The following ERI1 variants were observed in gnomAD, a reference collection of about 807,000 sequenced individuals.
ERI1 encodes the protein exoribonuclease 1.
Under a neutral mutation model 39.7 loss-of-function variants are expected in ERI1, and 39 were observed. That is an observed-to-expected ratio of 0.98 (90% confidence interval 0.76 to 1.28). ERI1 has a LOEUF of 1.28. Ranked by LOEUF, ERI1 falls within the 50% of genes most tolerant of loss-of-function variation. The probability of loss-of-function intolerance (pLI) is 0.00; values close to 1 mark genes in which losing one functional copy is unlikely to be tolerated. For missense variants in ERI1, 581 were observed against 416.9 expected, an observed-to-expected ratio of 1.39 and a Z score of -3.43; for synonymous variants, 204 against 149.6, an observed-to-expected ratio of 1.36 and a Z score of -2.65.
intron 3 of ERI1, among the ~76,000 whole-genome samples, chr8:9,085,513 A>G (rs1338492891): frequency 3.3e-5 from 5 of 151,574 alleles, no homozygotes; most frequent in Non-Finnish European, 7.4e-5. Context: ...CGGCCCTACC[A>G]TCTTTTTTTA....
chr8:9,040,469 G>A (rs1797981272), intron 3 of ERI1, among the ~76,000 whole-genome samples: 1 of 152,158 alleles, frequency 6.6e-6, no homozygotes, highest in Non-Finnish European at 1.5e-5. Context: ...TGGTGTCTTT[G>A]TTTTGTAGAA....
intron 3 of ERI1, among the ~76,000 whole-genome samples, chr8:9,094,807 A>G (rs993162976): frequency 1.3e-5 from 2 of 152,172 alleles, no homozygotes; most frequent in Admixed American, 6.5e-5. Flanking sequence ...GTGTTTTGCT[A>G]AATTTAAAGA....
Position 9,008,071 on chromosome 8 carries a change from C to G in ERI1, c.210C>G (p.Ala70=). 1 of 1,610,732 alleles carries G rather than the reference C, an allele frequency of 6.2e-7. No individual in the cohort carries two copies. Among genetic ancestry groups the G allele is most frequent in the Non-Finnish European group, 8.5e-7 (1 of 1,179,252 alleles). The part of the protein sequence containing the change: ...DFSDPVYKEI[A]ITNGCINRMS... ...GTGACCCGGTTTACAAAGAGATTGC[C>G]ATTACGAATGGCTGTATTAATAGAA... Residue 70 remains alanine (A), a synonymous_variant, in exon 2 of 7, where the codon GCC becomes GCG. Coordinates refer to ENST00000250263, the MANE Select transcript of ERI1 (RefSeq NM_153332.4).
intron 3 of ERI1, among the ~76,000 whole-genome samples, chr8:9,038,592 A>G (rs1273061695): frequency 1.4e-5 from 2 of 147,730 alleles, no homozygotes; most frequent in Admixed American, 6.7e-5. Context: ...CCCTGTTTCT[A>G]CAAAAAATTC....
intron 3 of ERI1, among the ~76,000 whole-genome samples, chr8:9,012,923 GTT>G (rs35319524): frequency 0.3 from 45,199 of 151,844 alleles, 7,209 homozygotes; most frequent in African/African-American, 0.37. Flanking sequence ...CTTCAATAAA[GTT>G]TAAGCTGTGT....
At chr8:9,091,523 G>A (rs367576695) in intron 3 of ERI1, 2 of 149,534 alleles carry the variant, frequency 1.3e-5, no homozygotes, top group Non-Finnish European at 1.5e-5. Context: ...AAAAAAAAGA[G>A]TTCTTGCCAT....
chr8:9,004,389 T>C (rs1348713760), intron 1 of ERI1: 1 of 704,216 alleles, frequency 1.4e-6, no homozygotes, highest in Non-Finnish European at 1.9e-6. Context: ...CTTGACACTT[T>C]TACAGCTACT....
intron 3 of ERI1, among the ~76,000 whole-genome samples, chr8:9,066,803 G>A (rs942818531): frequency 6.6e-6 from 1 of 152,140 alleles, no homozygotes; most frequent in Non-Finnish European, 1.5e-5. Flanking sequence ...CAGCTGGCTG[G>A]TTTGTCTCTG....
intron 3 of ERI1, among the ~76,000 whole-genome samples, chr8:9,073,722 A>G (rs531838472): frequency 7.2e-5 from 11 of 152,286 alleles, no homozygotes; most frequent in Admixed American, 2.0e-4. Context: ...TGATATTAGA[A>G]AGCCTCTTAT....
At chr8:9,061,983 G>A (rs1798713956) in intron 3 of ERI1, among the ~76,000 whole-genome samples, 1 of 152,016 alleles carries the variant, frequency 6.6e-6, no homozygotes, top group African/African-American at 2.4e-5. Context: ...GAGAGTATAT[G>A]GTTTTGGCAC....
At chr8:9,092,286 A>G (rs1799731998) in intron 3 of ERI1, among the ~76,000 whole-genome samples, 1 of 152,120 alleles carries the variant, frequency 6.6e-6, no homozygotes, top group Non-Finnish European at 1.5e-5. Flanking sequence ...TGGCATCCCC[A>G]CAGTGTGAAG....
chr8:9,007,830 C>G (rs998702722), intron 1 of ERI1, 140 bp from the exon 2 acceptor site: 1 of 1,261,846 alleles, frequency 7.9e-7, no homozygotes, highest in Admixed American at 3.2e-5. Flanking sequence ...CGTTTAGGAG[C>G]TGCAGTGAAC....
chr8:9,022,142 G>A (rs1817976752), intron 6 of ERI1, among the ~76,000 whole-genome samples: 1 of 151,936 alleles, frequency 6.6e-6, no homozygotes, highest in African/African-American at 2.4e-5. Flanking sequence ...GTTACTGTAA[G>A]TTTTTGCTAG....
intron 6 of ERI1, among the ~76,000 whole-genome samples, chr8:9,028,755 C>G (rs1458776863): frequency 6.6e-6 from 1 of 152,070 alleles, no homozygotes; most frequent in Non-Finnish European, 1.5e-5. Flanking sequence ...TCCCGAGTAG[C>G]TGGGATTACA....
At chr8:9,018,260 G>T (rs531042135) in intron 4 of ERI1, 37 bp from the exon 5 acceptor site, 6 of 1,286,214 alleles carry the variant, frequency 4.7e-6, no homozygotes, top group East Asian at 2.3e-5. Context: ...TGAAGCTGCA[G>T]CCCTGATTTT....
chr8:9,047,130 G>A (rs1055156369), intron 3 of ERI1, among the ~76,000 whole-genome samples: 1 of 152,170 alleles, frequency 6.6e-6, no homozygotes, highest in Non-Finnish European at 1.5e-5. Context: ...TGCATGCCCT[G>A]ACCATCTTCC....
intron 6 of ERI1, among the ~76,000 whole-genome samples, chr8:9,022,713 T>C (rs533776828): frequency 6.6e-6 from 1 of 152,314 alleles, no homozygotes; most frequent in African/African-American, 2.4e-5. Flanking sequence ...TGTGGATCTT[T>C]TTTTGTGTTT....
intron 3 of ERI1, among the ~76,000 whole-genome samples, chr8:9,093,129 A>G (rs1799759970): frequency 6.6e-6 from 1 of 152,234 alleles, no homozygotes; most frequent in South Asian, 2.1e-4. Flanking sequence ...CTTTTTAAAG[A>G]CCAGGTCTCC....
downstream of ERI1, among the ~76,000 whole-genome samples, chr8:9,034,358 G>A (rs751332470): frequency 2.2e-4 from 33 of 152,150 alleles, no homozygotes; most frequent in Non-Finnish European, 4.1e-4. Flanking sequence ...ATTTTGTTTT[G>A]TTTTGTTTTT....
Sources: allele counts gnomAD v4.1 joint callset (sites outside exome capture counted in the v4.1 genomes callset), GRCh38; gene constraint gnomAD v4.1.1; transcripts MANE v1.5; gene names NCBI Gene and HGNC (gene_info 2026-07-23, HGNC 2026-07-21).